The following KCNH2 variants were observed in gnomAD, a reference collection of about 807,000 sequenced individuals.
KCNH2 encodes potassium voltage-gated channel subfamily H member 2.
In KCNH2, 35 loss-of-function variants were observed where a neutral mutation model predicts 95.9. The observed-to-expected ratio is 0.37, with a 90% confidence interval of 0.28 to 0.48. The LOEUF (loss-of-function observed/expected upper bound fraction) is 0.48, where lower values mean the gene tolerates loss of function less well. Among genes scored for constraint, KCNH2 ranks in the 20% least tolerant of loss-of-function variants. The probability of loss-of-function intolerance (pLI) is 0.99; values close to 1 mark genes in which losing one functional copy is unlikely to be tolerated. For missense variants in KCNH2, 1,274 were observed against 1,702.9 expected, an observed-to-expected ratio of 0.75 and a Z score of 4.43; for synonymous variants, 786 against 754.7, an observed-to-expected ratio of 1.04 and a Z score of -0.68.
chr7:150,972,863 G>C (rs1335333185), intron 2 of KCNH2, among the ~76,000 whole-genome samples: 1 of 152,216 alleles, frequency 6.6e-6, no homozygotes, highest in Non-Finnish European at 1.5e-5. Context: ...GGCCAGCCTA[G>C]ACTGGGAGGG....
At chr7:150,975,256 C>G (rs113216527) in intron 1 of KCNH2, among the ~76,000 whole-genome samples, 3 of 152,182 alleles carry the variant, frequency 2.0e-5, no homozygotes, top group Admixed American at 6.5e-5. Context: ...TGGCGGGTGT[C>G]AGCAACGCGT....
Position 150,946,516 on chromosome 7 carries a change from T to TG in KCNH2, c.3330+360dup, listed in dbSNP as rs761755227. Among the ~76,000 whole-genome samples the TG allele has an allele frequency of 5.9e-5, 9 of 152,168 alleles. No individual in the cohort carries two copies. Among genetic ancestry groups the TG allele is most frequent in the Non-Finnish European group, 1.0e-4 (7 of 68,022 alleles). On this transcript the variant is annotated intron_variant, in intron 14 of 14. Coordinates refer to ENST00000262186, the MANE Select transcript of KCNH2 (RefSeq NM_000238.4). The surrounding 1 kb of genome is among the most constrained non-coding windows in gnomAD (Gnocchi z 6.5). ...CCACGTCTCGGGCTCAGTCAGTTCTTGGAGACCACCCGTGGCCGTGAGACA... is the reference window on the plus strand; with the variant it reads ...CCACGTCTCGGGCTCAGTCAGTTCTTGGGAGACCACCCGTGGCCGTGAGACA...
chr7:150,952,356 C>T lies in KCNH2; in HGVS notation c.1557+69G>A. On this transcript the variant is annotated intron_variant, in intron 6 of 14. Coordinates refer to ENST00000262186, the MANE Select transcript of KCNH2 (RefSeq NM_000238.4). This position sits in a 1 kb window ranked among gnomAD's most constrained non-coding sequence, Gnocchi z 7.3. ...TCTGTCCTCCTCGCCACCCCCTCCA[C>T]CCCACTACCTCCCACCACATTCCTG... 8.1e-6 allele frequency: 12 copies of T among 1,479,450 alleles called. No individual in the cohort carries two copies. Among genetic ancestry groups the T allele is most frequent in the Non-Finnish European group, 1.1e-5 (12 of 1,074,298 alleles). The allele number at this position is 1,479,450 out of a possible 1,614,324, so 91.6% of individuals were successfully genotyped here. A position where few individuals can be genotyped will look rare whatever the true frequency, so the allele number is the denominator to read the frequency against.
chr7:150,962,627 C>G lies in KCNH2; in HGVS notation c.308-2891G>C, dbSNP rs191900854. On this transcript the variant is annotated intron_variant, in intron 2 of 14. Transcript: ENST00000262186. The surrounding 1 kb of genome is among the most constrained non-coding windows in gnomAD (Gnocchi z 5.7). ...CACACTTACACACACACACGAGAGA[C>G]AGAGAGAGAGAGAGAGAGAGAGAGA... Among the ~76,000 whole-genome samples, 7 of 146,264 alleles carry G rather than the reference C, an allele frequency of 4.8e-5. No individual in the cohort carries two copies. Among genetic ancestry groups the G allele is most frequent in the African/African-American group, 1.0e-4 (4 of 39,214 alleles).
In KCNH2 at chr7:150,947,362, T is replaced by C. The variant is rs199473024; in HGVS notation, c.3118A>G (p.Ser1040Gly). The C allele has an allele frequency of 7.8e-6, 12 of 1,545,762 alleles. No individual in the cohort carries two copies. The highest frequency in any genetic ancestry group is 1.2e-5 in the South Asian group (1 of 83,946). Residue 1040 changes from serine to glycine, a missense_variant, in exon 13 of 15, where the codon AGC (serine) becomes GGC (glycine). Transcript: ENST00000262186. ...TGGCGCTGGAGGGCATCCAGCCTGC[T>C]CTCCACGTCGCCCCGGGGCCGCCGA... ...PGRRPRGDVESRLDALQRQLN... is the reference protein window; with the variant it reads ...PGRRPRGDVEGRLDALQRQLN...
chr7:150,960,574 T>G (rs994023883), intron 2 of KCNH2, among the ~76,000 whole-genome samples: 1 of 152,150 alleles, frequency 6.6e-6, no homozygotes, highest in Non-Finnish European at 1.5e-5. Context: ...TTACAGCAAT[T>G]TGGCATCACC....
intron 2 of KCNH2, among the ~76,000 whole-genome samples, chr7:150,969,359 C>T (rs1157895983): frequency 1.3e-5 from 2 of 152,182 alleles, no homozygotes; most frequent in East Asian, 1.9e-4. Flanking sequence ...AATAGAAGTG[C>T]CTTGTGCTGC....
chr7:150,974,890 TAGA>T lies in KCNH2; in HGVS notation c.125_127del (p.Ile42_Tyr43delinsAsn). 1 of 1,611,852 alleles carries T rather than the reference TAGA, an allele frequency of 6.2e-7. No individual in the cohort carries two copies. The highest frequency in any genetic ancestry group is 8.5e-7 in the Non-Finnish European group (1 of 1,179,336). On this transcript the variant is annotated inframe_deletion, in exon 2 of 15. Coordinates refer to ENST00000262186, the MANE Select transcript of KCNH2 (RefSeq NM_000238.4). ...CAGCTCGCAGAAGCCGTCGTTGCAGTAGATGACGGCGCAGTTCTCCACCCGAGC... is the reference window on the plus strand; with the variant it reads ...CAGCTCGCAGAAGCCGTCGTTGCAGTTGACGGCGCAGTTCTCCACCCGAGC...
At chr7:150,966,414 A>C (rs1482484153) in intron 2 of KCNH2, among the ~76,000 whole-genome samples, 1 of 112,958 alleles carries the variant, frequency 8.9e-6, no homozygotes, top group African/African-American at 3.5e-5. Context: ...CACACAGGAC[A>C]CTGTGAAGCA....
Position 150,946,892 on chromosome 7 carries a change from C to T in KCNH2, c.3315G>A (p.Leu1105=). 6.3e-7 allele frequency: 1 copy of T among 1,597,244 alleles called. No homozygotes were observed. The highest frequency in any genetic ancestry group is 8.6e-7 in the Non-Finnish European group (1 of 1,169,040). Reference sequence around the variant, plus strand: ...TGGAGCTTACCTGAGAAAGCGAGTCCAAGGTGAGGGTGGGGAGGGGGCTGA... The same window carrying T: ...TGGAGCTTACCTGAGAAAGCGAGTCTAAGGTGAGGGTGGGGAGGGGGCTGA... ...LPVSPLPTLT[L]DSLSQVSQFM... is the part of the protein sequence containing the mutation. The change falls in exon 14 of 15, where the codon TTG becomes TTA. Residue 1105 remains leucine (L), a synonymous_variant. Coordinates refer to ENST00000262186, the MANE Select transcript of KCNH2 (RefSeq NM_000238.4). The surrounding 1 kb of genome is among the most constrained non-coding windows in gnomAD (Gnocchi z 6.5).
chr7:150,957,165 G>T, intron 5 of KCNH2, 126 bp downstream of exon 5: 1 of 792,584 alleles, frequency 1.3e-6, no homozygotes. Flanking sequence ...CAACCCTCAG[G>T]TCTGCCTCCC....
rs140395995 is a variant in KCNH2 at position 150,946,853 on chromosome 7, C to A, written c.3330+24G>T. 2 of 1,590,010 alleles carry A rather than the reference C, an allele frequency of 1.3e-6. No homozygotes were observed. The highest frequency in any genetic ancestry group is 1.7e-6 in the Non-Finnish European group (2 of 1,164,490). On this transcript the variant is annotated intron_variant, in intron 14 of 14. Coordinates refer to ENST00000262186, the MANE Select transcript of KCNH2 (RefSeq NM_000238.4). The surrounding 1 kb of genome is among the most constrained non-coding windows in gnomAD (Gnocchi z 6.5). ...GGGGAACAAGCGGGTCACGGTACAT[C>A]GAGGAAGCAGGGCTGGAGCTTACCT...
chr7:150,957,515 G>A lies in KCNH2; in HGVS notation c.917-13C>T. 2 of 1,583,552 alleles carry A rather than the reference G, an allele frequency of 1.3e-6. No individual in the cohort carries two copies. The highest frequency in any genetic ancestry group is 1.7e-6 in the Non-Finnish European group (2 of 1,170,474). On this transcript the variant is annotated splice_polypyrimidine_tract_variant and intron_variant, in intron 4 of 14. Coordinates refer to ENST00000262186, the MANE Select transcript of KCNH2 (RefSeq NM_000238.4). ...GGGTGCATGGCCCCTAGGTGGAGAG[G>A]CAGCGTGGTCAGGCCAGCAGCCCAG...
intron 3 of KCNH2, 137 bp from the exon 4 acceptor site, chr7:150,958,639 A>C (rs1801470608): frequency 1.7e-6 from 1 of 592,062 alleles, no homozygotes; most frequent in African/African-American, 2.0e-5. Flanking sequence ...TTCCATTCAC[A>C]ATATTTTGAC....
chr7:150,969,480 C>T (rs1238377301), intron 2 of KCNH2, among the ~76,000 whole-genome samples: 1 of 151,854 alleles, frequency 6.6e-6, no homozygotes, highest in Non-Finnish European at 1.5e-5. Context: ...GCTGGGAGCC[C>T]CCAGATGCTC....
chr7:150,947,948 G>C, intron 11 of KCNH2, 70 bp from the exon 12 acceptor site: 1 of 1,477,776 alleles, frequency 6.8e-7, no homozygotes. Context: ...GGTGGAGGAG[G>C]GGACAGGAGC....
At chr7:150,948,688 G>A in intron 10 of KCNH2, 145 bp from the exon 11 acceptor site, 1 of 1,087,428 alleles carries the variant, frequency 9.2e-7, no homozygotes, top group Non-Finnish European at 1.4e-6. Context: ...ATGTGATTTT[G>A]CCCCAGGCAA....
chr7:150,951,126 G>A lies in KCNH2; in HGVS notation c.1946-6C>T. 1 of 1,597,706 alleles carries A rather than the reference G, an allele frequency of 6.3e-7. No individual in the cohort carries two copies. The highest frequency in any genetic ancestry group is 8.5e-7 in the Non-Finnish European group (1 of 1,170,640). ...GATGCTAGCATACATGAGGGCTGGGGGCGTGGGCACGTGGGGCCGTCAGCC... is the reference window on the plus strand; with the variant it reads ...GATGCTAGCATACATGAGGGCTGGGAGCGTGGGCACGTGGGGCCGTCAGCC... On this transcript the variant is annotated splice_region_variant and splice_polypyrimidine_tract_variant and intron_variant, in intron 7 of 14. Transcript: ENST00000262186.
At chr7:150,949,186 C>T in intron 9 of KCNH2, 137 bp from the exon 10 acceptor site, 1 of 1,105,130 alleles carries the variant, frequency 9.0e-7, no homozygotes, top group Non-Finnish European at 1.3e-6. Context: ...CCCCAACCCA[C>T]ACAACCGGGG....
Sources: allele counts gnomAD v4.1 joint callset (sites outside exome capture counted in the v4.1 genomes callset), GRCh38; gene constraint gnomAD v4.1.1; non-coding constraint Gnocchi (gnomAD v3.1); transcripts MANE v1.5; gene names NCBI Gene and HGNC (gene_info 2026-07-23, HGNC 2026-07-21).